The following HTR2A variants were observed in gnomAD, a reference collection of about 807,000 sequenced individuals.
HTR2A encodes 5-HT2 receptor.
Under a neutral mutation model 31.0 loss-of-function variants are expected in HTR2A, and 14 were observed. The observed-to-expected ratio is 0.45, with a 90% CI of 0.30 to 0.71. The LOEUF (loss-of-function observed/expected upper bound fraction) is 0.71. HTR2A is among the 30% of genes least tolerant of loss of function. HTR2A has a pLI of 0.09. For missense variants in HTR2A, 442 were observed against 573.3 expected, an observed-to-expected ratio of 0.77 and a Z score of 2.34; for synonymous variants, 209 against 225.2, an observed-to-expected ratio of 0.93 and a Z score of 0.64.
chr13:46,881,663 C>T (rs1950964594), intron 3 of HTR2A, among the ~76,000 whole-genome samples: 1 of 152,152 alleles, frequency 6.6e-6, no homozygotes, highest in South Asian at 2.1e-4. Flanking sequence ...AACCCAAAGC[C>T]CTTTCTGTCC....
intron 3 of HTR2A, among the ~76,000 whole-genome samples, chr13:46,841,445 T>G (rs1004656591): frequency 3.9e-5 from 6 of 152,156 alleles, no homozygotes; most frequent in Middle Eastern, 6.8e-3. Flanking sequence ...TTTCAAATAC[T>G]AGGGAAGTTA....
chr13:46,876,397 TA>T (rs1443422213), intron 3 of HTR2A, among the ~76,000 whole-genome samples: 135 of 87,884 alleles, frequency 1.5e-3, no homozygotes, highest in East Asian at 2.0e-3. Flanking sequence ...TATATATATA[TA>T]TATATATTTT....
chr13:46,888,575 C>T (rs911868757), intron 3 of HTR2A, among the ~76,000 whole-genome samples: 6 of 151,658 alleles, frequency 4.0e-5, no homozygotes, highest in Admixed American at 6.6e-5. Flanking sequence ...ACAGAACAAA[C>T]GACATGATAT....
At chr13:46,843,780 T>C (rs1158959862) in intron 3 of HTR2A, among the ~76,000 whole-genome samples, 1 of 152,116 alleles carries the variant, frequency 6.6e-6, no homozygotes, top group Non-Finnish European at 1.5e-5. Flanking sequence ...GGCTCCAGGA[T>C]TTCTATGTAG....
chr13:46,892,274 C>A, intron 3 of HTR2A, 116 bp downstream of exon 3: 1 of 977,262 alleles, frequency 1.0e-6, no homozygotes. Context: ...ATATCTTGCA[C>A]CACCCAAAAC....
chr13:46,893,029 CATT>C (rs1951067342), intron 2 of HTR2A, among the ~76,000 whole-genome samples: 1 of 152,298 alleles, frequency 6.6e-6, no homozygotes, highest in East Asian at 1.9e-4. Flanking sequence ...ACCTCTTAGT[CATT>C]ATTATAACCA....
intron 3 of HTR2A, among the ~76,000 whole-genome samples, chr13:46,843,906 C>A (rs1302130709): frequency 6.6e-6 from 1 of 152,114 alleles, no homozygotes; most frequent in Non-Finnish European, 1.5e-5. Flanking sequence ...TTTGGGAGTG[C>A]TTTGGGAATC....
chr13:46,872,748 G>A (rs1015464849), intron 3 of HTR2A, among the ~76,000 whole-genome samples: 9 of 152,306 alleles, frequency 5.9e-5, no homozygotes, highest in African/African-American at 2.2e-4. Context: ...TATAATTCAT[G>A]AGTAGATGTT....
At position 46,896,758 on chromosome 13, in the gene HTR2A, TC is replaced by T; in HGVS notation, c.-414del. The T allele has an allele frequency of 6.5e-7, 1 of 1,535,736 alleles. No homozygotes were observed. Among genetic ancestry groups the T allele is most frequent in the Non-Finnish European group, 8.7e-7 (1 of 1,145,742 alleles). On this transcript the variant is annotated 5_prime_UTR_variant, in exon 1 of 4. The change abolishes the stop of an existing upstream ORF in the 5' untranslated region. Transcript: ENST00000542664. ...TCACAGTAATTAAACTGGTGTAGAG[TC>T]CCCTCTTCTTGATCTTCCACCAGCA... is the stretch of plus-strand genomic sequence containing the variant.
At chr13:46,839,159 G>A (rs1212394301) in intron 3 of HTR2A, among the ~76,000 whole-genome samples, 1 of 152,094 alleles carries the variant, frequency 6.6e-6, no homozygotes, top group Non-Finnish European at 1.5e-5. Flanking sequence ...CTGGAAGGGG[G>A]ATATTAATTT....
upstream of HTR2A, among the ~76,000 whole-genome samples, chr13:46,897,836 C>T (rs917008332): frequency 6.6e-6 from 1 of 152,150 alleles, no homozygotes; most frequent in African/African-American, 2.4e-5. Context: ...CTCTCAGTTC[C>T]AGACCTAAAT....
chr13:46,854,522 T>C (rs1022514404), intron 3 of HTR2A, among the ~76,000 whole-genome samples: 22 of 152,218 alleles, frequency 1.4e-4, no homozygotes, highest in African/African-American at 5.1e-4. Flanking sequence ...GGGCCAGCTT[T>C]AGGTGAAAGC....
At chr13:46,884,096 C>T (rs1950987373) in intron 3 of HTR2A, among the ~76,000 whole-genome samples, 2 of 152,188 alleles carry the variant, frequency 1.3e-5, no homozygotes, top group Non-Finnish European at 2.9e-5. Context: ...TGTCTTTGAC[C>T]CATGATGCAG....
chr13:46,835,731 T>C (rs184587764), intron 3 of HTR2A, 92 bp from the exon 4 acceptor site: 1 of 908,044 alleles, frequency 1.1e-6, no homozygotes, highest in Non-Finnish European at 1.7e-6. Flanking sequence ...ATTGAAAAGA[T>C]TTTATATCAT....
chr13:46,871,449 T>G (rs1448456905), intron 3 of HTR2A, among the ~76,000 whole-genome samples: 2 of 152,344 alleles, frequency 1.3e-5, no homozygotes, highest in African/African-American at 4.8e-5. Context: ...TACAGGCTGC[T>G]GAACCACTGA....
At chr13:46,876,411 T>A (rs867236814) in intron 3 of HTR2A, among the ~76,000 whole-genome samples, 2,026 of 112,146 alleles carry the variant, frequency 0.018, 19 homozygotes, top group African/African-American at 0.066. Flanking sequence ...TATATTTTTT[T>A]TTTTTTTTTT....
At chr13:46,839,099 G>A in intron 3 of HTR2A, among the ~76,000 whole-genome samples, 1 of 151,366 alleles carries the variant, frequency 6.6e-6, no homozygotes, top group Non-Finnish European at 1.5e-5. Flanking sequence ...GGGATAAAAA[G>A]CCACTCTACA....
At position 46,896,727 on chromosome 13, in the gene HTR2A, C is replaced by A. The variant is rs1312664217; in HGVS notation, c.-382G>T. The A allele has an allele frequency of 2.0e-6, 3 of 1,534,738 alleles. No individual in the cohort carries two copies. In the Admixed American group the frequency reaches 5.9e-5, roughly 30 times the overall value. On this transcript the variant is annotated 5_prime_UTR_variant, in exon 1 of 4. It removes an upstream start codon present in the reference 5' UTR. Transcript: ENST00000542664. ...ACATTTGTTATTCTGTGACTCGCTGCATCTCTCACAGTAATTAAACTGGTG... is the reference window on the plus strand; with the variant it reads ...ACATTTGTTATTCTGTGACTCGCTGAATCTCTCACAGTAATTAAACTGGTG...
intron 3 of HTR2A, among the ~76,000 whole-genome samples, chr13:46,873,460 A>C (rs1566313592): frequency 7.4e-6 from 1 of 134,270 alleles, no homozygotes; most frequent in African/African-American, 2.7e-5. Flanking sequence ...TATTATTATT[A>C]TTATACTTTA....
Sources: allele counts gnomAD v4.1 joint callset (sites outside exome capture counted in the v4.1 genomes callset), GRCh38; gene constraint gnomAD v4.1.1; transcripts MANE v1.5; gene names NCBI Gene and HGNC (gene_info 2026-07-23, HGNC 2026-07-21).